DLGAP1: variants seen among roughly 807,000 people sequenced by gnomAD.
The protein encoded by DLGAP1 is disks large-associated protein 1.
DLGAP1 carries 11 observed loss-of-function variants against 90.8 expected under a neutral mutation model. The ratio of observed to expected loss-of-function variants is 0.12; its 90% CI spans 0.08 to 0.20. The LOEUF (loss-of-function observed/expected upper bound fraction) is 0.20, where lower values mean the gene tolerates loss of function less well. Among genes scored for constraint, DLGAP1 ranks in the 10% least tolerant of loss-of-function variants. The pLI is 1.00. For missense variants in DLGAP1, 1,050 were observed against 1,333.8 expected (o/e 0.79, Z 3.31); for synonymous variants, 558 against 540.7 (o/e 1.03, Z -0.44).
rs528358364 is a variant in DLGAP1, at chr18:4,147,988, C to T, written c.-159+3192G>A. On this transcript the variant is annotated intron_variant, in intron 2 of 12. Coordinates refer to ENST00000315677, the MANE Select transcript of DLGAP1 (RefSeq NM_004746.4). Reference sequence around the variant, plus strand: ...GGGCCTCACTCCAGAACAGGGGTGTCCGAGGGAGAGAATACAGTTATGTGT... The same window carrying T: ...GGGCCTCACTCCAGAACAGGGGTGTTCGAGGGAGAGAATACAGTTATGTGT... Among the ~76,000 whole-genome samples, 12 of 152,214 alleles carry T rather than the reference C, an allele frequency of 7.9e-5. No homozygotes were observed. The East Asian group carries it at 2.1e-3, about 27-fold the overall frequency.
At chr18:3,633,215 G>T (rs962745155) in intron 7 of DLGAP1, among the ~76,000 whole-genome samples, 1 of 152,086 alleles carries the variant, frequency 6.6e-6, no homozygotes, top group Non-Finnish European at 1.5e-5. Flanking sequence ...GGCCAACATG[G>T]TGAAACCCCC....
At chr18:3,579,467 C>T (rs934249543) in intron 8 of DLGAP1, among the ~76,000 whole-genome samples, 1 of 152,214 alleles carries the variant, frequency 6.6e-6, no homozygotes, top group Non-Finnish European at 1.5e-5. Context: ...GCCTTGGCCT[C>T]CCAAAGTGCT....
At chr18:4,097,670 G>A (rs2075706424) in intron 2 of DLGAP1, among the ~76,000 whole-genome samples, 1 of 152,180 alleles carries the variant, frequency 6.6e-6, no homozygotes, top group African/African-American at 2.4e-5. Flanking sequence ...AAGAACTCTA[G>A]CACACAAAAC....
At chr18:4,368,079 T>C (rs2081819897) in intron 1 of DLGAP1, among the ~76,000 whole-genome samples, 1 of 152,144 alleles carries the variant, frequency 6.6e-6, no homozygotes, top group African/African-American at 2.4e-5. Context: ...CATTAGACTA[T>C]ATTCACGATT....
At chr18:4,408,909 G>A (rs149260840) in intron 1 of DLGAP1, among the ~76,000 whole-genome samples, 11 of 151,844 alleles carry the variant, frequency 7.2e-5, no homozygotes, top group African/African-American at 2.4e-5. Context: ...CTCTAACCTA[G>A]ACTAGCAATT....
intron 7 of DLGAP1, among the ~76,000 whole-genome samples, chr18:3,646,788 G>A (rs1173065794): frequency 3.3e-5 from 5 of 152,042 alleles, no homozygotes; most frequent in Non-Finnish European, 5.9e-5. Context: ...AGCCGGGCGT[G>A]GTGGTGGGCG....
intron 3 of DLGAP1, among the ~76,000 whole-genome samples, chr18:3,943,177 A>AT (rs1444505160): frequency 6.6e-6 from 1 of 151,894 alleles, no homozygotes; most frequent in Non-Finnish European, 1.5e-5. Context: ...ACCTGCTCTT[A>AT]TTGTCTTCCC....
chr18:4,021,817 T>G (rs1303324793), intron 2 of DLGAP1, among the ~76,000 whole-genome samples: 1 of 152,166 alleles, frequency 6.6e-6, no homozygotes, highest in Non-Finnish European at 1.5e-5. Context: ...CAGGCTGGTC[T>G]CAAACTCCTG....
intron 10 of DLGAP1, among the ~76,000 whole-genome samples, chr18:3,515,577 G>A (rs1371646905): frequency 6.6e-6 from 1 of 151,698 alleles, no homozygotes; most frequent in Non-Finnish European, 1.5e-5. Context: ...CCAGGAGTTC[G>A]AGACCAGCCT....
intron 7 of DLGAP1, chr18:3,598,216 T>G (rs543002224): frequency 6.6e-5 from 10 of 152,340 alleles, no homozygotes; most frequent in African/African-American, 2.4e-4. Flanking sequence ...CTGGGCGTAG[T>G]GGCGCATGCC....
intron 1 of DLGAP1, among the ~76,000 whole-genome samples, chr18:4,223,055 A>G (rs191525914): frequency 6.6e-6 from 1 of 152,180 alleles, no homozygotes; most frequent in Admixed American, 6.5e-5. Context: ...GGAGATTAAG[A>G]CCATCGTACT....
chr18:3,907,729 A>C (rs1345503934), intron 3 of DLGAP1, among the ~76,000 whole-genome samples: 1 of 152,198 alleles, frequency 6.6e-6, no homozygotes, highest in Non-Finnish European at 1.5e-5. Context: ...AGGTGTCATC[A>C]ACAGTTGATC....
intron 1 of DLGAP1, among the ~76,000 whole-genome samples, chr18:4,179,537 A>T (rs1002373397): frequency 1.3e-5 from 2 of 152,160 alleles, no homozygotes; most frequent in African/African-American, 4.8e-5. Flanking sequence ...ATTAATTATA[A>T]GACATACTAT....
chr18:4,408,454 T>C (rs1263795069), intron 1 of DLGAP1, among the ~76,000 whole-genome samples: 1 of 151,750 alleles, frequency 6.6e-6, no homozygotes, highest in Admixed American at 6.6e-5. Context: ...CCAGAAACCA[T>C]AAATGATAAA....
chr18:4,160,110 A>T (rs1477074281), intron 1 of DLGAP1, among the ~76,000 whole-genome samples: 3 of 152,236 alleles, frequency 2.0e-5, no homozygotes, highest in Admixed American at 1.3e-4. Context: ...ACTATTTGGT[A>T]ATATCTTATA....
intron 2 of DLGAP1, among the ~76,000 whole-genome samples, chr18:4,061,904 C>T (rs1034300877): frequency 1.3e-5 from 2 of 152,002 alleles, no homozygotes; most frequent in Non-Finnish European, 2.9e-5. Flanking sequence ...TTTATAATCA[C>T]CTATAGGACT....
intron 1 of DLGAP1, among the ~76,000 whole-genome samples, chr18:4,413,487 C>T: frequency 6.6e-6 from 1 of 152,168 alleles, no homozygotes; most frequent in Non-Finnish European, 1.5e-5. Context: ...CATTCAATTC[C>T]TCCTTCTGAC....
intron 7 of DLGAP1, among the ~76,000 whole-genome samples, chr18:3,650,182 A>G (rs1480655357): frequency 6.6e-6 from 1 of 152,136 alleles, no homozygotes; most frequent in Non-Finnish European, 1.5e-5. Flanking sequence ...AGCTGGGACT[A>G]CAGGCACCTG....
intron 7 of DLGAP1, among the ~76,000 whole-genome samples, chr18:3,663,917 C>A (rs190848460): frequency 6.6e-6 from 1 of 152,134 alleles, no homozygotes; most frequent in South Asian, 2.1e-4. Flanking sequence ...GACTTCCCTT[C>A]CTAAGGTGGG....
Sources: gnomAD v4.1 joint callset for allele counts (sites outside exome capture counted in the v4.1 genomes callset) on GRCh38, gnomAD v4.1.1 for gene constraint, MANE v1.5 for transcripts, NCBI Gene and HGNC (gene_info 2026-07-23, HGNC 2026-07-21) for gene names.